The following OPCML variants were observed in gnomAD, a reference collection of about 807,000 sequenced individuals.
OPCML encodes the protein opioid-binding protein/cell adhesion molecule.
Under a neutral mutation model 37.8 loss-of-function variants are expected in OPCML, and 13 were observed. That is an observed-to-expected ratio of 0.34 (90% confidence interval 0.22 to 0.55). The LOEUF (loss-of-function observed/expected upper bound fraction) is 0.55, where lower values mean the gene tolerates loss of function less well. Among genes scored for constraint, OPCML ranks in the 20% least tolerant of loss-of-function variants. OPCML has a pLI of 0.91. For missense variants in OPCML, 341 were observed against 435.6 expected (o/e 0.78, Z 1.93); for synonymous variants, 176 against 168.8 (o/e 1.04, Z -0.33).
At chr11:132,801,918 T>A (rs1303230087) in intron 2 of OPCML, among the ~76,000 whole-genome samples, 1 of 152,204 alleles carries the variant, frequency 6.6e-6, no homozygotes, top group African/African-American at 2.4e-5. Flanking sequence ...CCTCTTTAGA[T>A]GTTTCTGAGG....
intron 2 of OPCML, among the ~76,000 whole-genome samples, chr11:132,932,276 A>C (rs1263983977): frequency 6.6e-6 from 1 of 152,140 alleles, no homozygotes; most frequent in Non-Finnish European, 1.5e-5. Context: ...ATGCCACCGA[A>C]CTGTATATTT....
intron 2 of OPCML, among the ~76,000 whole-genome samples, chr11:132,826,122 TA>T (rs564678233): frequency 3.3e-5 from 5 of 152,266 alleles, no homozygotes; most frequent in Admixed American, 3.3e-4. Flanking sequence ...TCTGGGTAGT[TA>T]TGGGTTCCAC....
chr11:132,890,576 G>A (rs538851847), intron 2 of OPCML, among the ~76,000 whole-genome samples: 1 of 151,950 alleles, frequency 6.6e-6, no homozygotes, highest in South Asian at 2.1e-4. Context: ...GCCAGGCACG[G>A]TGGCTCATGC....
At position 132,881,620 on chromosome 11, in the gene OPCML, A is replaced by AAATAAT. The variant is rs1555202575; in HGVS notation, c.146+61300_146+61305dup. 8.1e-4 allele frequency among the ~76,000 whole-genome samples: 122 copies of AAATAAT among 151,318 alleles called. 1 individual carries two copies. Among genetic ancestry groups the AAATAAT allele is most frequent in the South Asian group, 1.0e-3 (5 of 4,788 alleles). ...ATTAGGCAAGATCCCAAATTTAAAA[A>AAATAAT]AATAATAATAATAAAAAAGAAAAAA... On this transcript the variant is annotated intron_variant, in intron 2 of 7. Coordinates refer to ENST00000524381, the MANE Select transcript of OPCML (RefSeq NM_001012393.5).
chr11:133,492,974 G>C (rs1947698295), intron 1 of OPCML, among the ~76,000 whole-genome samples: 1 of 152,164 alleles, frequency 6.6e-6, no homozygotes, highest in Admixed American at 6.5e-5. Flanking sequence ...ACCACCACGA[G>C]GCAAGGAGAA....
intron 4 of OPCML, among the ~76,000 whole-genome samples, chr11:132,463,389 C>A (rs1455314358): frequency 1.3e-5 from 2 of 152,192 alleles, no homozygotes; most frequent in Non-Finnish European, 2.9e-5. Context: ...CAATAACAAG[C>A]TTTCCAGGAA....
intron 1 of OPCML, among the ~76,000 whole-genome samples, chr11:133,483,870 G>A (rs1213738205): frequency 6.8e-6 from 1 of 147,854 alleles, no homozygotes; most frequent in Non-Finnish European, 1.5e-5. Flanking sequence ...GATTCATAGA[G>A]AGACTTATAG....
intron 2 of OPCML, among the ~76,000 whole-genome samples, chr11:132,668,170 G>A (rs1942303874): frequency 6.6e-6 from 1 of 152,160 alleles, no homozygotes; most frequent in African/African-American, 2.4e-5. Context: ...TGTGAAATGA[G>A]CAATAGTCAC....
chr11:133,121,959 C>T (rs990500584), intron 1 of OPCML, among the ~76,000 whole-genome samples: 2 of 152,158 alleles, frequency 1.3e-5, no homozygotes, highest in African/African-American at 2.4e-5. Flanking sequence ...TTAAAAGTTA[C>T]AAAATATTCA....
chr11:132,656,398 C>T (rs1044599895), intron 3 of OPCML, among the ~76,000 whole-genome samples: 7 of 152,162 alleles, frequency 4.6e-5, no homozygotes, highest in South Asian at 4.1e-4. Flanking sequence ...TTAAAATGCA[C>T]GTGACACAAT....
At chr11:133,440,762 T>TTATATATATATATATATA (rs58808691) in intron 1 of OPCML, among the ~76,000 whole-genome samples, 6 of 126,932 alleles carry the variant, frequency 4.7e-5, no homozygotes, top group South Asian at 5.0e-4. Flanking sequence ...CCTACAGCAA[T>TTATATATATATATATATA]TATATATATA....
chr11:133,460,274 G>A (rs78891544), intron 1 of OPCML, among the ~76,000 whole-genome samples: 3,308 of 151,712 alleles, frequency 0.022, 86 homozygotes, highest in South Asian at 0.086. Context: ...TAAGACAAAA[G>A]GTCTCAAATC....
At chr11:133,379,271 C>T (rs1465825206) in intron 1 of OPCML, among the ~76,000 whole-genome samples, 2 of 152,218 alleles carry the variant, frequency 1.3e-5, no homozygotes, top group Non-Finnish European at 1.5e-5. Flanking sequence ...TCACTTCTCC[C>T]TGTGTTATCC....
chr11:133,252,131 A>G (rs1488811218), intron 1 of OPCML, among the ~76,000 whole-genome samples: 1 of 152,208 alleles, frequency 6.6e-6, no homozygotes, highest in East Asian at 1.9e-4. Context: ...AATAAATTAT[A>G]TTAGGCACCA....
chr11:132,910,793 T>C (rs911711435), intron 2 of OPCML, among the ~76,000 whole-genome samples: 1 of 152,240 alleles, frequency 6.6e-6, no homozygotes, highest in Non-Finnish European at 1.5e-5. Flanking sequence ...GTCTTTCCAG[T>C]TGCAACTCAA....
chr11:133,437,308 G>A (rs889457694), intron 1 of OPCML, among the ~76,000 whole-genome samples: 1 of 152,038 alleles, frequency 6.6e-6, no homozygotes, highest in African/African-American at 2.4e-5. Flanking sequence ...TATCAATAGG[G>A]GCTAAGATGA....
intron 1 of OPCML, among the ~76,000 whole-genome samples, chr11:133,234,523 G>C (rs1425478463): frequency 6.6e-6 from 1 of 152,230 alleles, no homozygotes; most frequent in African/African-American, 2.4e-5. Context: ...ACTTTTCTTG[G>C]AAAGGCCTAG....
At chr11:133,318,730 T>C (rs1254597825) in intron 1 of OPCML, among the ~76,000 whole-genome samples, 1 of 152,174 alleles carries the variant, frequency 6.6e-6, no homozygotes, top group African/African-American at 2.4e-5. Flanking sequence ...CTGGCTCCAT[T>C]CTCTATGCCT....
chr11:132,735,576 C>T (rs113427585), intron 2 of OPCML, among the ~76,000 whole-genome samples: 2,073 of 152,138 alleles, frequency 0.014, 45 homozygotes, highest in African/African-American at 0.048. Context: ...AAGTTCCTCA[C>T]GGGTTTACAC....
Sources: allele counts gnomAD v4.1 joint callset (sites outside exome capture counted in the v4.1 genomes callset), GRCh38; gene constraint gnomAD v4.1.1; transcripts MANE v1.5; gene names NCBI Gene and HGNC (gene_info 2026-07-23, HGNC 2026-07-21).